Variants in NFAT5 observed in about 807,000 individuals in gnomAD.
NFAT5 encodes the protein nuclear factor of activated T cells 5, also known as nuclear factor of activated T-cells 5.
In NFAT5, 31 loss-of-function variants were observed where a neutral mutation model predicts 166.5. The observed-to-expected ratio is 0.19, with a 90% CI of 0.14 to 0.25. NFAT5 has a LOEUF of 0.25. NFAT5 is among the 10% of genes least tolerant of loss of function. NFAT5 has a pLI of 1.00. For synonymous variants in NFAT5, 612 were observed against 639.7 expected (o/e 0.96, Z 0.65); for missense variants, 1,449 against 1,821.8 (o/e 0.80, Z 3.72).
chr16:69,616,037 C>A (rs2033927670), intron 2 of NFAT5, among the ~76,000 whole-genome samples: 1 of 152,238 alleles, frequency 6.6e-6, no homozygotes, highest in South Asian at 2.1e-4. Flanking sequence ...CCTAAAACTG[C>A]CCTTTGCTTC....
rs1457665601 is a variant in NFAT5 at position 69,653,301 on chromosome 16, T to C, written c.878T>C (p.Val293Ala). 12 of 1,612,612 alleles carry C rather than the reference T, an allele frequency of 7.4e-6. No individual in the cohort carries two copies. The highest frequency in any genetic ancestry group is 1.0e-5 in the Non-Finnish European group (12 of 1,179,598). Residue 293 changes from valine (V) to alanine (A), a missense_variant, in exon 5 of 15, where the codon GTT (valine) becomes GCT (alanine). Transcript: ENST00000349945. ...CCTATGTTGTGTGGACAATATCCTG[T>C]TAAAAGTGAGGGAAAGGAGCTGAAG... ...KSPMLCGQYP[V>A]KSEGKELKIV...
At chr16:69,634,848 G>A (rs1257797909) in intron 3 of NFAT5, among the ~76,000 whole-genome samples, 1 of 152,066 alleles carries the variant, frequency 6.6e-6, no homozygotes, top group Admixed American at 6.6e-5. Context: ...TCTTGGGAAA[G>A]TTAAATAAAT....
chr16:69,592,080 C>CTTTT (rs3037496), intron 2 of NFAT5, among the ~76,000 whole-genome samples: 2 of 118,120 alleles, frequency 1.7e-5, no homozygotes, highest in Non-Finnish European at 1.7e-5. Context: ...ATTACTTTTT[C>CTTTT]TTTTTTTTTT....
At chr16:69,621,653 G>A (rs984729520) in intron 2 of NFAT5, among the ~76,000 whole-genome samples, 1 of 152,084 alleles carries the variant, frequency 6.6e-6, no homozygotes. Flanking sequence ...CACTTATTTA[G>A]GACTGTCATT....
intron 2 of NFAT5, among the ~76,000 whole-genome samples, chr16:69,600,760 GAAAA>G (rs34206965): frequency 9.9e-6 from 1 of 101,362 alleles, no homozygotes; most frequent in Non-Finnish European, 1.9e-5. Flanking sequence ...GGAATACTTT[GAAAA>G]AAAAAAAAAA....
In NFAT5 at chr16:69,693,662, G is replaced by GCAGCAACAACAA. The variant is rs1366168173; in HGVS notation, c.3841_3852dup (p.Gln1281_Gln1284dup). The GCAGCAACAACAA allele has an allele frequency of 1.9e-6, 3 of 1,614,008 alleles. No individual in the cohort carries two copies. The highest frequency in any genetic ancestry group is 2.5e-6 in the Non-Finnish European group (3 of 1,179,936). ...AGCAGCAACAGCAGCAGCAACAGCA[G>GCAGCAACAACAA]CAGCAACAACAACAGAGCATTTTAT... On this transcript the variant is annotated inframe_insertion, in exon 13 of 15. Transcript: ENST00000349945.
intron 7 of NFAT5, among the ~76,000 whole-genome samples, chr16:69,667,198 G>A (rs2036424726): frequency 6.7e-6 from 1 of 149,292 alleles, no homozygotes; most frequent in Admixed American, 6.7e-5. Context: ...GGGAGGGATA[G>A]CACTGGGAGA....
chr16:69,677,108 T>A lies in NFAT5; in HGVS notation c.1558-95T>A, dbSNP rs185452029. ...GCATTCTTTTTTTTTTAATCACTTT[T>A]TAAACTTTACAGCTAACAGGAAATA... On this transcript the variant is annotated intron_variant, in intron 9 of 14. Coordinates refer to ENST00000349945, the MANE Select transcript of NFAT5 (RefSeq NM_138713.4). The A allele has an allele frequency of 8.9e-4, 1,094 of 1,234,078 alleles. No homozygotes were observed. Among genetic ancestry groups the A allele is most frequent in the Non-Finnish European group, 1.1e-3 (976 of 885,496 alleles). The allele number at this position is 1,234,078 out of a possible 1,614,324, so 76.4% of individuals were successfully genotyped here.
chr16:69,679,296 G>A (rs1054959964), intron 10 of NFAT5, among the ~76,000 whole-genome samples: 2 of 151,974 alleles, frequency 1.3e-5, no homozygotes, highest in African/African-American at 4.8e-5. Context: ...GTTACAAAAG[G>A]TATGCCACAG....
At position 69,703,242 on chromosome 16, in the gene NFAT5, A is replaced by G. The variant is rs1288179723; in HGVS notation, c.*6891A>G. On this transcript the variant is annotated 3_prime_UTR_variant, in exon 15 of 15. Transcript: ENST00000349945. ...AGATGGCTGGCCAGGTCAACATGGCACCTTAACTTATTTTTTTAATAGGTA... is the reference window on the plus strand; with the variant it reads ...AGATGGCTGGCCAGGTCAACATGGCGCCTTAACTTATTTTTTTAATAGGTA... The G allele has an allele frequency of 6.6e-6, 1 of 152,592 alleles. No homozygotes were observed. The highest frequency in any genetic ancestry group is 1.9e-4 in the East Asian group (1 of 5,202). 9.5% of individuals were successfully genotyped at this position (152,592 alleles called of 1,614,324 possible).
At chr16:69,625,885 G>T (rs930536540) in intron 2 of NFAT5, among the ~76,000 whole-genome samples, 1 of 150,648 alleles carries the variant, frequency 6.6e-6, no homozygotes, top group African/African-American at 2.4e-5. Context: ...AAGCCAAGAA[G>T]AAAACAGGGA....
At chr16:69,607,112 C>T (rs539996745) in intron 2 of NFAT5, among the ~76,000 whole-genome samples, 1 of 152,242 alleles carries the variant, frequency 6.6e-6, no homozygotes, top group Non-Finnish European at 1.5e-5. Context: ...TACAACTCTA[C>T]AAGGTAGATA....
At chr16:69,616,614 C>G (rs1247196925) in intron 2 of NFAT5, among the ~76,000 whole-genome samples, 1 of 152,136 alleles carries the variant, frequency 6.6e-6, no homozygotes. Context: ...CTGTCCTCAT[C>G]CCACCTCTTG....
intron 3 of NFAT5, chr16:69,632,170 A>T (rs943741496): frequency 6.6e-6 from 1 of 152,188 alleles, no homozygotes; most frequent in Non-Finnish European, 1.5e-5. Context: ...TTTCTAAACC[A>T]TCTATAATAA....
intron 7 of NFAT5, among the ~76,000 whole-genome samples, chr16:69,661,326 T>G (rs1261622837): frequency 6.7e-6 from 1 of 149,964 alleles, no homozygotes; most frequent in African/African-American, 2.5e-5. Context: ...AGCCAGAAAC[T>G]TATAATGGAA....
intron 2 of NFAT5, among the ~76,000 whole-genome samples, chr16:69,590,559 A>G (rs1233297427): frequency 1.3e-5 from 2 of 152,232 alleles, no homozygotes; most frequent in African/African-American, 4.8e-5. Flanking sequence ...AGATGATTAT[A>G]AGGAGAAAAT....
At chr16:69,624,822 ACTAGGCAAG>A in intron 2 of NFAT5, among the ~76,000 whole-genome samples, 1 of 152,150 alleles carries the variant, frequency 6.6e-6, no homozygotes, top group Non-Finnish European at 1.5e-5. Flanking sequence ...TTCTTGGCAT[ACTAGGCAAG>A]TCCCTTAAAT....
chr16:69,585,841 C>T (rs1169645507), intron 2 of NFAT5, among the ~76,000 whole-genome samples: 1 of 152,008 alleles, frequency 6.6e-6, no homozygotes, highest in Non-Finnish European at 1.5e-5. Flanking sequence ...ATATTGGTTA[C>T]CAGGAGCTGG....
At position 69,695,279 on chromosome 16, in the gene NFAT5, G is replaced by T. The variant is rs199749272; in HGVS notation, c.4558G>T (p.Ala1520Ser). Reference protein sequence around the residue: ...SQQMPENSPLASSINTNQNIE... With the variant: ...SQQMPENSPLSSSINTNQNIE... Reference sequence around the variant, plus strand: ...GCAAATGCCAGAGAATTCTCCACTGGCATCCTCTATAAACACCAACCAGAA... The same window carrying T: ...GCAAATGCCAGAGAATTCTCCACTGTCATCCTCTATAAACACCAACCAGAA... The change falls in exon 14 of 15, where the codon GCA becomes TCA. Residue 1520 changes from alanine to serine, a missense_variant. This residue lies in a region of NFAT5 where 891 missense variants were observed against 993.0 expected (regional missense o/e 0.90). Transcript: ENST00000349945. 2.1e-5 allele frequency: 34 copies of T among 1,614,060 alleles called. No individual in the cohort carries two copies. In the East Asian group the frequency reaches 7.4e-4, roughly 35 times the overall value.
Sources: allele counts gnomAD v4.1 joint callset (sites outside exome capture counted in the v4.1 genomes callset), GRCh38; gene constraint gnomAD v4.1.1; regional missense constraint gnomAD v4.1.1; transcripts MANE v1.5; gene names NCBI Gene and HGNC (gene_info 2026-07-23, HGNC 2026-07-21).